PKHD1: variants seen among roughly 807,000 people sequenced by gnomAD.
The protein encoded by PKHD1 is fibrocystin.
Under a neutral mutation model 412.0 loss-of-function variants are expected in PKHD1, and 291 were observed. The ratio of observed to expected loss-of-function variants is 0.71; its 90% CI spans 0.64 to 0.78. The LOEUF is 0.78. Among genes scored for constraint, PKHD1 ranks in the 30% least tolerant of loss-of-function variants. PKHD1 has a pLI of 0.00. For synonymous variants in PKHD1, 1,777 were observed against 1,821.5 expected, an observed-to-expected ratio of 0.98 and a Z score of 0.62; for missense variants, 4,825 against 4,950.7, an observed-to-expected ratio of 0.97 and a Z score of 0.76.
Position 52,035,698 on chromosome 6 carries a change from C to T in PKHD1, c.3121G>A (p.Gly1041Ser). The T allele has an allele frequency of 6.2e-7, 1 of 1,613,910 alleles. No homozygotes were observed. Among genetic ancestry groups the T allele is most frequent in the East Asian group, 2.2e-5 (1 of 44,868 alleles). ...AGGCTAACACCTTCCAAACTAGAGC[C>T]TCGGATGGTGGCCCAGAGCCCTCCT... is the stretch of plus-strand genomic sequence containing the variant. ...DIGGLWATIR[G>S]SSLEGVSLIL... The change falls in exon 28 of 67, where the codon GGC (glycine) becomes AGC (serine). Residue 1041 changes from glycine to serine, a missense_variant. By Grantham distance (56) the Gly-to-Ser change is moderately conservative. Coordinates refer to ENST00000371117, the MANE Select transcript of PKHD1 (RefSeq NM_138694.4).
chr6:51,869,785 G>GA (rs58393406), intron 47 of PKHD1, among the ~76,000 whole-genome samples: 60,912 of 151,364 alleles, frequency 0.4, 13,425 homozygotes, highest in East Asian at 0.85. Context: ...GCCTACATAG[G>GA]AAAAAAAAGT....
At chr6:51,835,262 A>T (rs1025535873) in intron 51 of PKHD1, among the ~76,000 whole-genome samples, 2 of 152,200 alleles carry the variant, frequency 1.3e-5, no homozygotes, top group Admixed American at 1.3e-4. Context: ...ATGGTCCAGT[A>T]TCCACAGAAG....
chr6:51,957,452 G>A (rs975085847), intron 36 of PKHD1, among the ~76,000 whole-genome samples: 6 of 152,006 alleles, frequency 3.9e-5, no homozygotes, highest in African/African-American at 1.4e-4. Context: ...AATGAAATTA[G>A]GGTTTTACTA....
rs1808109375 is a variant in PKHD1, at chr6:52,058,344, G to C, written c.1491C>G (p.Ala497=). 1 of 1,614,108 alleles carries C rather than the reference G, an allele frequency of 6.2e-7. No homozygotes were observed. Among genetic ancestry groups the C allele is most frequent in the East Asian group, 2.2e-5 (1 of 44,888 alleles). The part of the protein sequence containing the change: ...LREKHQIRVR[A]QRLPEVQVLN... ...AGACCTGTACTTCTGGAAGCCTCTG[G>C]GCTCGGACTCGGATCTGGTGCTTCT... The change falls in exon 16 of 67, where the codon GCC becomes GCG. Residue 497 remains alanine, a synonymous_variant. Transcript: ENST00000371117.
intron 37 of PKHD1, among the ~76,000 whole-genome samples, chr6:51,913,162 T>C (rs1783229309): frequency 6.6e-6 from 1 of 152,098 alleles, no homozygotes; most frequent in East Asian, 1.9e-4. Context: ...CTTTCTGATG[T>C]AGACCTCCAT....
chr6:52,082,325 C>T lies in PKHD1; in HGVS notation c.281+67G>A, dbSNP rs1056058251. 4.6e-6 allele frequency: 7 copies of T among 1,533,866 alleles called. No homozygotes were observed. In the African/African-American group the frequency reaches 8.2e-5, roughly 18 times the overall value. On this transcript the variant is annotated intron_variant, in intron 4 of 66. Transcript: ENST00000371117. ...AGCAAAAATTGCTCTAATATGTCAC[C>T]AAAAGATACTGAGATAAGCAAAAAT...
chr6:51,963,729 A>C (rs969354963), intron 35 of PKHD1, among the ~76,000 whole-genome samples: 1 of 152,168 alleles, frequency 6.6e-6, no homozygotes, highest in Non-Finnish European at 1.5e-5. Context: ...CAATCAAGAA[A>C]AAAAAAATGC....
At chr6:51,916,918 C>A (rs1167026427) in intron 37 of PKHD1, among the ~76,000 whole-genome samples, 1 of 152,148 alleles carries the variant, frequency 6.6e-6, no homozygotes, top group Non-Finnish European at 1.5e-5. Context: ...TTTACTCCCA[C>A]TAATGACTTC....
chr6:51,853,912 C>T (rs1317975378), intron 49 of PKHD1, among the ~76,000 whole-genome samples: 1 of 152,210 alleles, frequency 6.6e-6, no homozygotes, highest in African/African-American at 2.4e-5. Context: ...CTGAAGCCTA[C>T]GTCTCTCAAT....
chr6:52,011,100 T>C (rs1799762386), intron 34 of PKHD1, among the ~76,000 whole-genome samples: 6 of 152,194 alleles, frequency 3.9e-5, no homozygotes, highest in Admixed American at 3.9e-4. Context: ...TCAATATATG[T>C]GCCAGTTATA....
chr6:51,916,482 T>A (rs1047947860), intron 37 of PKHD1, among the ~76,000 whole-genome samples: 3 of 152,134 alleles, frequency 2.0e-5, no homozygotes, highest in Non-Finnish European at 2.9e-5. Flanking sequence ...AGCACAAAGT[T>A]CTGAAACTAG....
chr6:52,082,236 G>A (rs1812145204), intron 4 of PKHD1, among the ~76,000 whole-genome samples, 156 bp downstream of exon 4: 1 of 152,154 alleles, frequency 6.6e-6, no homozygotes, highest in Admixed American at 6.5e-5. Flanking sequence ...CCCAGATAGG[G>A]ACCTTTTAGA....
chr6:51,860,690 G>A (rs890674384), intron 48 of PKHD1, among the ~76,000 whole-genome samples: 2 of 152,094 alleles, frequency 1.3e-5, no homozygotes, highest in Non-Finnish European at 2.9e-5. Flanking sequence ...CCTTACCTCT[G>A]CATCAGCAAC....
At position 51,885,927 on chromosome 6, in the gene PKHD1, A is replaced by G. The variant is rs1460886534; in HGVS notation, c.7155T>C (p.Asn2385=). ...TCTGGAACAGAGTGGTGCCAGTGAC[A>G]TTATCCCAAGGTGGCTGAAATTTAG... ...VYPKFQPPWD[N]VTGTTLFQSF... The change falls in exon 45 of 67, where the codon AAT becomes AAC. Residue 2385 remains asparagine (N), a synonymous_variant. Coordinates refer to ENST00000371117, the MANE Select transcript of PKHD1 (RefSeq NM_138694.4). 4 of 1,613,678 alleles carry G rather than the reference A, an allele frequency of 2.5e-6. No homozygotes were observed.
intron 37 of PKHD1, among the ~76,000 whole-genome samples, chr6:51,919,696 T>C (rs149157601): frequency 1.3e-5 from 2 of 152,344 alleles, no homozygotes; most frequent in Admixed American, 6.5e-5. Context: ...GGGGATGGCA[T>C]TGAATCTATA....
At chr6:52,086,780 T>C (rs1343143153) in intron 1 of PKHD1, among the ~76,000 whole-genome samples, 1 of 152,248 alleles carries the variant, frequency 6.6e-6, no homozygotes, top group Non-Finnish European at 1.5e-5. Flanking sequence ...TCCTTTTCGT[T>C]GCAAAATTCC....
chr6:52,037,477 T>TA (rs2128172287), intron 27 of PKHD1, among the ~76,000 whole-genome samples: 1 of 152,286 alleles, frequency 6.6e-6, no homozygotes, highest in East Asian at 1.9e-4. Context: ...AAATGCTCTT[T>TA]AAAATCAGTA....
At chr6:52,008,078 A>G (rs915266224) in intron 35 of PKHD1, among the ~76,000 whole-genome samples, 4 of 152,284 alleles carry the variant, frequency 2.6e-5, no homozygotes, top group Admixed American at 6.5e-5. Flanking sequence ...TCTGAAACCT[A>G]CAATGATGGT....
chr6:52,068,486 A>G lies in PKHD1; in HGVS notation c.778+971T>C, dbSNP rs1403435326. Among the ~76,000 whole-genome samples the G allele has an allele frequency of 5.3e-5, 8 of 152,336 alleles. No individual in the cohort carries two copies. In the South Asian group the frequency reaches 1.2e-3, roughly 24 times the overall value. On this transcript the variant is annotated intron_variant, in intron 11 of 66. Coordinates refer to ENST00000371117, the MANE Select transcript of PKHD1 (RefSeq NM_138694.4). ...GTGTGCTTCCCACCATATATTGGCT[A>G]TGGACATAAGATTTGGAATTAGAAC...
Sources: gnomAD v4.1 joint callset for allele counts (sites outside exome capture counted in the v4.1 genomes callset) on GRCh38, gnomAD v4.1.1 for gene constraint, MANE v1.5 for transcripts, NCBI Gene and HGNC (gene_info 2026-07-23, HGNC 2026-07-21) for gene names.